Variants in AKT2 observed in about 807,000 individuals in gnomAD.
AKT2 encodes the protein AKT serine/threonine kinase 2.
Under a neutral mutation model 58.6 loss-of-function variants are expected in AKT2, and 16 were observed. That is an observed-to-expected ratio of 0.27 (90% CI 0.18 to 0.41). The LOEUF is 0.41. Among genes scored for constraint, AKT2 ranks in the 10% least tolerant of loss-of-function variants. The probability of loss-of-function intolerance (pLI) is 1.00; values close to 1 mark genes in which losing one functional copy is unlikely to be tolerated. For missense variants in AKT2, 438 were observed against 661.0 expected, an observed-to-expected ratio of 0.66 and a Z score of 3.70; for synonymous variants, 253 against 254.0, an observed-to-expected ratio of 1.00 and a Z score of 0.04.
chr19:40,258,245 GAAAAAAAAAAAA>G (rs56202522), intron 2 of AKT2, among the ~76,000 whole-genome samples: 1 of 41,096 alleles, frequency 2.4e-5, no homozygotes, highest in African/African-American at 8.8e-5. Flanking sequence ...ACTCCGTCTC[GAAAAAAAAAAAA>G]AAAAAACAAA....
chr19:40,238,143 G>A lies in AKT2; in HGVS notation c.709-52C>T. 1 of 1,554,808 alleles carries A rather than the reference G, an allele frequency of 6.4e-7. No individual in the cohort carries two copies. The highest frequency in any genetic ancestry group is 8.7e-7 in the Non-Finnish European group (1 of 1,149,762). ...AGGTCAGGCCCCAGCCCACCCACCTGCCCTCACCTTCCCAGCCCCCTGCCC... is the reference window on the plus strand; with the variant it reads ...AGGTCAGGCCCCAGCCCACCCACCTACCCTCACCTTCCCAGCCCCCTGCCC... On this transcript the variant is annotated intron_variant, in intron 8 of 13. Transcript: ENST00000392038. This position sits in a 1 kb window ranked among gnomAD's most constrained non-coding sequence, Gnocchi z 5.1.
chr19:40,233,526 G>A lies in AKT2; in HGVS notation c.*346C>T, dbSNP rs767376832. ...GCAGCGCGGAGGCAGACACCAGCAC[G>A]ACACCCAGGCCAGAAACTCAGGCAG... On this transcript the variant is annotated 3_prime_UTR_variant, in exon 14 of 14. Coordinates refer to ENST00000392038, the MANE Select transcript of AKT2 (RefSeq NM_001626.6). This position sits in a 1 kb window ranked among gnomAD's most constrained non-coding sequence, Gnocchi z 4.3. The A allele has an allele frequency of 5.2e-5, 33 of 629,216 alleles. No homozygotes were observed. The highest frequency in any genetic ancestry group is 4.1e-4 in the Admixed American group (22 of 53,888). 39.0% of individuals were successfully genotyped at this position (629,216 alleles called of 1,614,324 possible).
At chr19:40,273,302 C>T (rs1317314078) in intron 1 of AKT2, among the ~76,000 whole-genome samples, 1 of 150,234 alleles carries the variant, frequency 6.7e-6, no homozygotes, top group Non-Finnish European at 1.5e-5. Context: ...GATTGCACCA[C>T]TGCACTCCAG....
chr19:40,236,359 A>T lies in AKT2; in HGVS notation c.858T>A (p.Asp286Glu). Residue 286 changes from aspartate to glutamate, a missense_variant, in exon 10 of 14, where the codon GAT (aspartate) becomes GAA (glutamate). Around this residue, in one of 3 missense-constraint regions of AKT2, gnomAD observed 46 missense variants for 114.5 expected, o/e 0.40. Transcript: ENST00000392038. The part of the protein sequence containing the change: ...IKLENLMLDK[D>E]GHIKITDFGL... Reference sequence around the variant, plus strand: ...CAAAGTCAGTGATCTTGATGTGGCCATCTTTGTCCAGCATGAGGTTTTCCA... The same window carrying T: ...CAAAGTCAGTGATCTTGATGTGGCCTTCTTTGTCCAGCATGAGGTTTTCCA... 2 of 1,614,152 alleles carry T rather than the reference A, an allele frequency of 1.2e-6. No individual in the cohort carries two copies. The highest frequency in any genetic ancestry group is 1.7e-6 in the Non-Finnish European group (2 of 1,180,026).
At chr19:40,258,412 G>A (rs1026018105) in intron 2 of AKT2, among the ~76,000 whole-genome samples, 2 of 151,520 alleles carry the variant, frequency 1.3e-5, no homozygotes, top group Admixed American at 6.6e-5. Context: ...GCTCCCACCT[G>A]TAAAATCCTA....
rs1207581157 is a variant in AKT2 at position 40,235,057 on chromosome 19, G to T, written c.1354C>A (p.Pro452Thr). 2 of 1,614,160 alleles carry T rather than the reference G, an allele frequency of 1.2e-6. No individual in the cohort carries two copies. The highest frequency in any genetic ancestry group is 1.7e-6 in the Non-Finnish European group (2 of 1,179,994). Reference protein sequence around the residue: ...EFTAQSITITPPDRYDSLGLL... With the variant: ...EFTAQSITITTPDRYDSLGLL... ...CCCAGGCACTCACAGCGGTCAGGGG[G>T]TGTGATTGTGATGGACTGGGCGGTA... The change falls in exon 13 of 14, where the codon CCC (proline) becomes ACC (threonine). Residue 452 changes from proline (P) to threonine (T), a missense_variant. This residue lies in a region of AKT2 where 148 missense variants were observed against 199.5 expected (regional missense o/e 0.74). Transcript: ENST00000392038. The surrounding 1 kb of genome is among the most constrained non-coding windows in gnomAD (Gnocchi z 6.3).
chr19:40,281,839 G>A (rs149389667), intron 1 of AKT2, among the ~76,000 whole-genome samples: 3 of 152,294 alleles, frequency 2.0e-5, no homozygotes, highest in African/African-American at 4.8e-5. Context: ...AGACATTTCC[G>A]GTAGGCTTAT....
intron 2 of AKT2, among the ~76,000 whole-genome samples, chr19:40,264,626 C>G (rs534596503): frequency 1.2e-3 from 183 of 152,282 alleles, no homozygotes; most frequent in African/African-American, 4.3e-3. Context: ...GTCCCTCTCC[C>G]TGGGACACCC....
In AKT2 at chr19:40,235,851, G is replaced by A. The variant is rs1361572358; in HGVS notation, c.1175+39C>T. 1.9e-6 allele frequency: 3 copies of A among 1,576,504 alleles called. No homozygotes were observed. Among genetic ancestry groups the A allele is most frequent in the Non-Finnish European group, 2.6e-6 (3 of 1,163,478 alleles). On this transcript the variant is annotated intron_variant, in intron 11 of 13. Coordinates refer to ENST00000392038, the MANE Select transcript of AKT2 (RefSeq NM_001626.6). The surrounding 1 kb of genome is among the most constrained non-coding windows in gnomAD (Gnocchi z 6.3). ...CCAGGCCGCAGGGACAGTGGCAGCA[G>A]CTGGCGCTGGGCTGGGTGGGGCCGA...
At position 40,271,177 on chromosome 19, in the gene AKT2, C is replaced by CAA. The variant is rs1263882304; in HGVS notation, c.-84-5828_-84-5827dup. 7.0e-4 allele frequency among the ~76,000 whole-genome samples: 58 copies of CAA among 82,762 alleles called. 1 individual carries two copies. Among genetic ancestry groups the CAA allele is most frequent in the African/African-American group, 2.3e-3 (55 of 24,144 alleles). 54.3% of individuals were successfully genotyped at this position (82,762 alleles called of 152,430 possible). A position where few individuals can be genotyped will look rare whatever the true frequency, so the allele number is the denominator to read the frequency against. ...CAACATGGTGAAACCCTGTGTCTGC[C>CAA]AAAAAAAAAAAAAACATACGTACAT... On this transcript the variant is annotated intron_variant, in intron 1 of 13. Coordinates refer to ENST00000392038, the MANE Select transcript of AKT2 (RefSeq NM_001626.6).
At chr19:40,236,480 A>G (rs1320943146) in intron 9 of AKT2, 95 bp from the exon 10 acceptor site, 1 of 1,536,640 alleles carries the variant, frequency 6.5e-7, no homozygotes, top group Non-Finnish European at 8.9e-7. Context: ...GGGCTCCTGG[A>G]CATCAACCCT....
chr19:40,253,688 CT>C (rs376155552), intron 4 of AKT2, among the ~76,000 whole-genome samples: 10 of 152,284 alleles, frequency 6.6e-5, no homozygotes, highest in Non-Finnish European at 1.2e-4. Flanking sequence ...CTCGGCAATC[CT>C]GCATCTAAGC....
At chr19:40,250,498 T>C (rs1181476525) in intron 4 of AKT2, among the ~76,000 whole-genome samples, 1 of 145,122 alleles carries the variant, frequency 6.9e-6, no homozygotes, top group Non-Finnish European at 1.5e-5. Context: ...AGTGAAACTC[T>C]GTCTAAAAAA....
intron 4 of AKT2, among the ~76,000 whole-genome samples, chr19:40,251,897 G>A (rs1975180889): frequency 6.6e-6 from 1 of 152,230 alleles, no homozygotes; most frequent in South Asian, 2.1e-4. Context: ...AACACAACCA[G>A]ATGAAGCAGA....
intron 1 of AKT2, among the ~76,000 whole-genome samples, chr19:40,276,985 T>C (rs2077338409): frequency 6.6e-6 from 1 of 152,180 alleles, no homozygotes; most frequent in East Asian, 1.9e-4. Context: ...ATGGTGCCAC[T>C]GCATTCCAGC....
intron 1 of AKT2, 132 bp from the exon 2 acceptor site, chr19:40,265,483 G>T (rs541372439): frequency 2.4e-6 from 3 of 1,245,982 alleles, no homozygotes; most frequent in Non-Finnish European, 3.3e-6. Flanking sequence ...CAAGGGTGGC[G>T]TGGAGCCCGC....
At position 40,235,800 on chromosome 19, in the gene AKT2, G is replaced by A. The variant is rs185051691; in HGVS notation, c.1175+90C>T. 17 of 1,346,864 alleles carry A rather than the reference G, an allele frequency of 1.3e-5. No homozygotes were observed. The highest frequency in any genetic ancestry group is 2.6e-4 in the Middle Eastern group (1 of 3,828). 83.4% of individuals were successfully genotyped at this position (1,346,864 alleles called of 1,614,324 possible). On this transcript the variant is annotated intron_variant, in intron 11 of 13. Coordinates refer to ENST00000392038, the MANE Select transcript of AKT2 (RefSeq NM_001626.6). The surrounding 1 kb of genome is among the most constrained non-coding windows in gnomAD (Gnocchi z 6.3). ...GACGACACACTGCGACCCTACAAGCGAGCACCCTTGTGGACGCTGCCCCCT... is the reference window on the plus strand; with the variant it reads ...GACGACACACTGCGACCCTACAAGCAAGCACCCTTGTGGACGCTGCCCCCT...
At chr19:40,258,135 C>T (rs1221639602) in intron 2 of AKT2, among the ~76,000 whole-genome samples, 1 of 150,494 alleles carries the variant, frequency 6.6e-6, no homozygotes, top group African/African-American at 2.5e-5. Context: ...AATCCCACTA[C>T]TTGGGAGGCT....
In AKT2 at chr19:40,275,868, C is replaced by T. The variant is rs543278066; in HGVS notation, c.-85+9313G>A. Among the ~76,000 whole-genome samples the T allele has an allele frequency of 3.4e-5, 5 of 147,636 alleles. No homozygotes were observed. The Admixed American group carries it at 3.5e-4, about 10-fold the overall frequency. On this transcript the variant is annotated intron_variant, in intron 1 of 13. Coordinates refer to ENST00000392038, the MANE Select transcript of AKT2 (RefSeq NM_001626.6). ...TCTCTACTAAAAATACAAAAATTAG[C>T]CAGGCGTGGTGGTAGGCGCCTGTAA...
Sources: allele counts gnomAD v4.1 joint callset (sites outside exome capture counted in the v4.1 genomes callset), GRCh38; gene constraint gnomAD v4.1.1; regional missense constraint gnomAD v4.1.1; non-coding constraint Gnocchi (gnomAD v3.1); transcripts MANE v1.5; gene names NCBI Gene and HGNC (gene_info 2026-07-23, HGNC 2026-07-21).